The following ZNF675 variants were observed in gnomAD, a reference collection of about 807,000 sequenced individuals.
ZNF675 encodes zinc finger protein 675.
ZNF675 carries 36 observed loss-of-function variants against 56.1 expected under a neutral mutation model. That is an observed-to-expected ratio of 0.64 (90% CI 0.49 to 0.85). The LOEUF is 0.85. Ranked by LOEUF, ZNF675 falls within the 40% of genes least tolerant of loss-of-function variation. ZNF675 has a pLI of 0.00. For synonymous variants in ZNF675, 200 were observed against 218.9 expected, an observed-to-expected ratio of 0.91 and a Z score of 0.76; for missense variants, 663 against 654.2, an observed-to-expected ratio of 1.01 and a Z score of -0.15.
At chr19:23,679,890 T>C (rs1968353036) in intron 1 of ZNF675, among the ~76,000 whole-genome samples, 1 of 150,866 alleles carries the variant, frequency 6.6e-6, no homozygotes, top group South Asian at 2.1e-4. Context: ...CTTGGGAGGC[T>C]GAGGCAGAAG....
intron 1 of ZNF675, among the ~76,000 whole-genome samples, chr19:23,684,260 T>G (rs1289334004): frequency 7.3e-6 from 1 of 136,510 alleles, no homozygotes; most frequent in African/African-American, 2.9e-5. Flanking sequence ...AGACTCCGTC[T>G]CAAAAAAAAA....
chr19:23,678,674 C>T (rs186541594), intron 1 of ZNF675, among the ~76,000 whole-genome samples: 5 of 148,656 alleles, frequency 3.4e-5, no homozygotes, highest in Admixed American at 3.3e-4. Flanking sequence ...CATTACCCAA[C>T]TTTATCTTAC....
chr19:23,654,869 A>AG, intron 3 of ZNF675, 163 bp from the exon 4 acceptor site: 2 of 258,320 alleles, frequency 7.7e-6, no homozygotes, highest in East Asian at 9.5e-5. Flanking sequence ...AGCCACATAG[A>AG]AAAAAAAAAA....
At chr19:23,685,693 A>C (rs1179147494) in intron 1 of ZNF675, among the ~76,000 whole-genome samples, 1 of 152,262 alleles carries the variant, frequency 6.6e-6, no homozygotes, top group African/African-American at 2.4e-5. Context: ...TCAATGTCAA[A>C]AAATGCTTAG....
Position 23,671,332 on chromosome 19 carries a change from CAG to C in ZNF675, c.4-8176_4-8175del, listed in dbSNP as rs1302977991. 2.6e-5 allele frequency among the ~76,000 whole-genome samples: 4 copies of C among 152,158 alleles called. No homozygotes were observed. The East Asian group carries it at 7.7e-4, about 29-fold the overall frequency. On this transcript the variant is annotated intron_variant, in intron 1 of 3. Coordinates refer to ENST00000359788, the MANE Select transcript of ZNF675 (RefSeq NM_138330.3). ...TGACCTGAAGGAAGGAAAAAGGAAACAGAGTGAAGAAAAACGGCAAGTCAAAA... is the reference window on the plus strand; with the variant it reads ...TGACCTGAAGGAAGGAAAAAGGAAACAGTGAAGAAAAACGGCAAGTCAAAA...
chr19:23,672,209 C>G (rs922595975), intron 1 of ZNF675, among the ~76,000 whole-genome samples: 4 of 145,856 alleles, frequency 2.7e-5, no homozygotes, highest in Admixed American at 2.1e-4. Context: ...GAATACTCTA[C>G]TCCAGTTAGT....
chr19:23,684,883 T>C (rs4308071), intron 1 of ZNF675, among the ~76,000 whole-genome samples: 147,921 of 152,268 alleles, frequency 0.97, 72,012 homozygotes, highest in Middle Eastern at 1. Context: ...CTTAGACAAT[T>C]CAGGGGACAG....
intron 3 of ZNF675, among the ~76,000 whole-genome samples, chr19:23,661,353 A>G (rs77075926): frequency 0.11 from 16,591 of 151,206 alleles, 1,031 homozygotes; most frequent in East Asian, 0.23. Context: ...AGACTACATT[A>G]GAAGACTATA....
In ZNF675 at chr19:23,653,557, T is replaced by A; in HGVS notation, c.1376A>T (p.Lys459Ile). ...KKPYKCEECG[K>I]AFIQSSKLTE... is the part of the protein sequence containing the mutation. ...AAGTTTTGAGGATTGGATAAAAGCT[T>A]TGCCACATTCTTCACATTTGTAGGG... Residue 459 changes from lysine (K) to isoleucine (I), a missense_variant, in exon 4 of 4, where the codon AAA (lysine) becomes ATA (isoleucine). Physicochemically the swap from Lys to Ile is moderately radical, Grantham distance 102. This residue lies in a region of ZNF675 where 617 missense variants were observed against 590.5 expected (regional missense o/e 1.04). Transcript: ENST00000359788. 6.2e-7 allele frequency: 1 copy of A among 1,613,484 alleles called. No homozygotes were observed. Among genetic ancestry groups the A allele is most frequent in the Non-Finnish European group, 8.5e-7 (1 of 1,179,904 alleles).
chr19:23,683,252 C>T (rs1230409421), intron 1 of ZNF675, among the ~76,000 whole-genome samples: 4 of 151,374 alleles, frequency 2.6e-5, no homozygotes, highest in Non-Finnish European at 5.9e-5. Flanking sequence ...TAGGAGGTAC[C>T]AAATTTCATC....
At chr19:23,675,550 A>AGGTTC (rs1968284491) in intron 1 of ZNF675, among the ~76,000 whole-genome samples, 1 of 151,840 alleles carries the variant, frequency 6.6e-6, no homozygotes, top group Non-Finnish European at 1.5e-5. Flanking sequence ...ATACAAAGAA[A>AGGTTC]ACCACTTGAA....
chr19:23,677,649 T>G (rs1209870637), intron 1 of ZNF675, among the ~76,000 whole-genome samples: 1 of 133,790 alleles, frequency 7.5e-6, no homozygotes, highest in African/African-American at 2.9e-5. Context: ...GAGATTGCAG[T>G]GAGCCAAAAT....
chr19:23,668,959 C>CCTT, intron 1 of ZNF675, among the ~76,000 whole-genome samples: 1 of 152,304 alleles, frequency 6.6e-6, no homozygotes, highest in Admixed American at 6.5e-5. Flanking sequence ...CTTGGCCAGC[C>CCTT]CAGAAAGGGG....
intron 1 of ZNF675, among the ~76,000 whole-genome samples, chr19:23,676,132 C>T (rs927927877): frequency 6.6e-6 from 1 of 151,326 alleles, no homozygotes; most frequent in Non-Finnish European, 1.5e-5. Context: ...GGACAAATAC[C>T]TCCTCCCTAG....
intron 1 of ZNF675, among the ~76,000 whole-genome samples, chr19:23,683,678 T>C (rs902589354): frequency 1.3e-4 from 20 of 152,060 alleles, no homozygotes; most frequent in Admixed American, 6.6e-5. Context: ...CCTCAGTCTT[T>C]CAAAATGCTG....
chr19:23,669,497 G>A (rs1447353882), intron 1 of ZNF675, among the ~76,000 whole-genome samples: 3 of 152,010 alleles, frequency 2.0e-5, no homozygotes, highest in African/African-American at 7.3e-5. Flanking sequence ...GGGGGTGGGG[G>A]GAGCTTATGA....
intron 1 of ZNF675, among the ~76,000 whole-genome samples, 177 bp downstream of exon 1, chr19:23,686,854 G>C (rs909087756): frequency 4.6e-5 from 7 of 152,282 alleles, no homozygotes; most frequent in Non-Finnish European, 1.0e-4. Flanking sequence ...CCCGGGGCTG[G>C]CTGTCAGCGC....
At chr19:23,663,462 C>T (rs1400891886) in intron 1 of ZNF675, among the ~76,000 whole-genome samples, 4 of 152,084 alleles carry the variant, frequency 2.6e-5, no homozygotes, top group Non-Finnish European at 4.4e-5. Flanking sequence ...GAGGCCGAGG[C>T]GGGCAGATTA....
Position 23,662,122 on chromosome 19 carries a change from T to A in ZNF675, c.218A>T (p.Glu73Val). ...CTTTCATTCTCACTTACCTGGGGGT[T>A]CATTCACCATCTCATGTCTCTTCAC... ...LTVKRHEMVN[E>V]PPVMCSHFAQ... The change falls in exon 3 of 4, where the codon GAA becomes GTA. Residue 73 changes from glutamate to valine, a missense_variant. This residue lies in a region of ZNF675 where 617 missense variants were observed against 590.5 expected (regional missense o/e 1.04). Transcript: ENST00000359788. The A allele has an allele frequency of 6.2e-7, 1 of 1,612,828 alleles. No homozygotes were observed. The highest frequency in any genetic ancestry group is 1.1e-5 in the South Asian group (1 of 91,026).
Sources: allele counts gnomAD v4.1 joint callset (sites outside exome capture counted in the v4.1 genomes callset), GRCh38; gene constraint gnomAD v4.1.1; regional missense constraint gnomAD v4.1.1; transcripts MANE v1.5; gene names NCBI Gene and HGNC (gene_info 2026-07-23, HGNC 2026-07-21).